Variants in SGCD observed in about 807,000 individuals in gnomAD.
SGCD encodes delta-sarcoglycan.
Under a neutral mutation model 36.6 loss-of-function variants are expected in SGCD, and 18 were observed. The ratio of observed to expected loss-of-function variants is 0.49; its 90% CI spans 0.34 to 0.73. The LOEUF is 0.73. SGCD is among the 30% of genes least tolerant of loss of function. The pLI is 0.01. For missense variants in SGCD, 387 were observed against 346.7 expected (o/e 1.12, Z -0.92); for synonymous variants, 133 against 130.6 (o/e 1.02, Z -0.12).
chr5:155,976,582 A>G lies in SGCD; in HGVS notation c.-282+106158A>G, dbSNP rs771691492. Among the ~76,000 whole-genome samples the G allele has an allele frequency of 3.5e-4, 54 of 152,198 alleles. 2 individuals carry two copies. The highest frequency in any genetic ancestry group is 2.0e-4 in the Admixed American group (3 of 15,278). On this transcript the variant is annotated intron_variant, in intron 1 of 9. Coordinates refer to the SGCD transcript ENST00000517913. ...TTTCAAATAATCTCACTAAGTAAGTATTCTTGTTTTCTTCATGTTATAGAT... is the reference window on the plus strand; with the variant it reads ...TTTCAAATAATCTCACTAAGTAAGTGTTCTTGTTTTCTTCATGTTATAGAT...
intron 3 of SGCD, among the ~76,000 whole-genome samples, chr5:156,460,916 T>C (rs559523968): frequency 6.6e-6 from 1 of 152,246 alleles, no homozygotes; most frequent in African/African-American, 2.4e-5. Context: ...GTTAATAGAA[T>C]ACACAACATT....
At chr5:156,639,053 T>C (rs1019500226) in intron 6 of SGCD, among the ~76,000 whole-genome samples, 1 of 151,968 alleles carries the variant, frequency 6.6e-6, no homozygotes, top group Non-Finnish European at 1.5e-5. Flanking sequence ...TAATAAAATA[T>C]ATCTACCATC....
At chr5:156,320,470 A>G (rs1274032803) in intron 3 of SGCD, among the ~76,000 whole-genome samples, 1 of 152,246 alleles carries the variant, frequency 6.6e-6, no homozygotes, top group African/African-American at 2.4e-5. Context: ...ATGGACCAGA[A>G]AGAACGTTAA....
intron 3 of SGCD, among the ~76,000 whole-genome samples, chr5:156,227,972 A>C (rs935332563): frequency 6.6e-6 from 1 of 151,966 alleles, no homozygotes; most frequent in Non-Finnish European, 1.5e-5. Context: ...TTTGGAGATA[A>C]TTTTCAGTTT....
intron 1 of SGCD, among the ~76,000 whole-genome samples, chr5:155,934,870 G>A (rs1398715800): frequency 2.6e-5 from 4 of 152,152 alleles, no homozygotes; most frequent in African/African-American, 2.4e-5. Context: ...ATGACATGAC[G>A]AAGTTGGGAC....
rs966642975 is a variant in SGCD at position 156,268,377 on chromosome 5, T to A, written c.-43-61157T>A. On this transcript the variant is annotated intron_variant, in intron 3 of 9. Coordinates refer to the SGCD transcript ENST00000517913. Reference sequence around the variant, plus strand: ...GGAATGATAGTTCTGTTTTTAGCTGTTTGAGCCATATTGGCTTTACACAAT... The same window carrying A: ...GGAATGATAGTTCTGTTTTTAGCTGATTGAGCCATATTGGCTTTACACAAT... Among the ~76,000 whole-genome samples the A allele has an allele frequency of 1.4e-4, 22 of 152,316 alleles. No individual in the cohort carries two copies. The East Asian group carries it at 3.5e-3, about 24-fold the overall frequency.
chr5:156,476,404 G>A (rs554129283), intron 3 of SGCD, among the ~76,000 whole-genome samples: 1 of 152,310 alleles, frequency 6.6e-6, no homozygotes, highest in Non-Finnish European at 1.5e-5. Flanking sequence ...GAGGAGCTGA[G>A]AGGGAGTGAA....
intron 1 of SGCD, among the ~76,000 whole-genome samples, chr5:155,922,054 T>G (rs561439050): frequency 6.6e-6 from 1 of 152,196 alleles, no homozygotes; most frequent in Admixed American, 6.5e-5. Flanking sequence ...AATTTCTTTT[T>G]TGAAGTAATT....
At chr5:156,540,691 TTGA>T (rs1758316413) in intron 4 of SGCD, among the ~76,000 whole-genome samples, 1 of 152,182 alleles carries the variant, frequency 6.6e-6, no homozygotes, top group African/African-American at 2.4e-5. Context: ...TACCAAAGTG[TTGA>T]TGAAATCCTA....
intron 3 of SGCD, among the ~76,000 whole-genome samples, chr5:156,500,946 G>C (rs749754668): frequency 1.3e-5 from 2 of 152,198 alleles, no homozygotes; most frequent in Non-Finnish European, 2.9e-5. Flanking sequence ...CCCTGCACCA[G>C]TGGGAAGGCC....
intron 4 of SGCD, among the ~76,000 whole-genome samples, chr5:156,540,798 G>C (rs555618700): frequency 6.6e-6 from 1 of 152,260 alleles, no homozygotes; most frequent in East Asian, 1.9e-4. Context: ...GATTGATTTT[G>C]ATGGCAGGCA....
intron 4 of SGCD, among the ~76,000 whole-genome samples, chr5:156,541,204 T>C (rs1758335845): frequency 6.6e-6 from 1 of 152,198 alleles, no homozygotes; most frequent in Non-Finnish European, 1.5e-5. Context: ...ATGGAAGAGC[T>C]GTACAAGTTA....
chr5:156,472,188 T>C (rs1290211551), intron 3 of SGCD, among the ~76,000 whole-genome samples: 1 of 152,170 alleles, frequency 6.6e-6, no homozygotes, highest in Non-Finnish European at 1.5e-5. Context: ...CGTTGGAGAA[T>C]TGTTTGGAAT....
intron 3 of SGCD, among the ~76,000 whole-genome samples, chr5:156,354,744 G>A (rs1477037057): frequency 6.6e-6 from 1 of 152,148 alleles, no homozygotes; most frequent in Non-Finnish European, 1.5e-5. Context: ...CACATCACAA[G>A]GATCTGTTCA....
chr5:156,379,315 G>A (rs900853298), intron 3 of SGCD, among the ~76,000 whole-genome samples: 5 of 152,166 alleles, frequency 3.3e-5, no homozygotes, highest in African/African-American at 1.2e-4. Flanking sequence ...TCCAAGAAAA[G>A]CCTCACATAG....
At chr5:156,356,950 G>C (rs1453100135) in intron 3 of SGCD, among the ~76,000 whole-genome samples, 1 of 152,176 alleles carries the variant, frequency 6.6e-6, no homozygotes, top group East Asian at 1.9e-4. Context: ...AGAGACAAGG[G>C]ATAGATTTTC....
intron 3 of SGCD, among the ~76,000 whole-genome samples, chr5:156,389,505 C>A (rs1376723715): frequency 6.6e-6 from 1 of 152,190 alleles, no homozygotes; most frequent in Non-Finnish European, 1.5e-5. Context: ...AGTCCCCAGC[C>A]TTTTTGGCAC....
intron 3 of SGCD, among the ~76,000 whole-genome samples, chr5:156,345,951 T>C (rs1457312374): frequency 6.6e-6 from 1 of 152,088 alleles, no homozygotes; most frequent in East Asian, 1.9e-4. Flanking sequence ...GTAAAACTTG[T>C]CTTGCTACTC....
At chr5:156,404,672 A>G (rs1772321067) in intron 3 of SGCD, among the ~76,000 whole-genome samples, 1 of 152,232 alleles carries the variant, frequency 6.6e-6, no homozygotes, top group Non-Finnish European at 1.5e-5. Context: ...GCAATGGTAG[A>G]TCATATATAT....
Sources: gnomAD v4.1 joint callset for allele counts (sites outside exome capture counted in the v4.1 genomes callset) on GRCh38, gnomAD v4.1.1 for gene constraint, MANE v1.5 for transcripts, NCBI Gene and HGNC (gene_info 2026-07-23, HGNC 2026-07-21) for gene names.